The following MYO1D variants were observed in gnomAD, a reference collection of about 807,000 sequenced individuals.
MYO1D encodes myosin ID.
Under a neutral mutation model 122.0 loss-of-function variants are expected in MYO1D, and 83 were observed. The ratio of observed to expected loss-of-function variants is 0.68; its 90% CI spans 0.57 to 0.82. The LOEUF is 0.82. Among genes scored for constraint, MYO1D ranks in the 40% least tolerant of loss-of-function variants. MYO1D has a pLI of 0.00. For missense variants in MYO1D, 1,157 were observed against 1,269.5 expected, an observed-to-expected ratio of 0.91 and a Z score of 1.35; for synonymous variants, 464 against 446.9, an observed-to-expected ratio of 1.04 and a Z score of -0.48.
At chr17:32,691,977 G>A (rs1458008404) in intron 16 of MYO1D, among the ~76,000 whole-genome samples, 1 of 152,078 alleles carries the variant, frequency 6.6e-6, no homozygotes, top group Non-Finnish European at 1.5e-5. Flanking sequence ...TTCTTCTGTG[G>A]TCTGAGTGTC....
chr17:32,728,889 A>C (rs1445606860), intron 14 of MYO1D, among the ~76,000 whole-genome samples: 3 of 152,244 alleles, frequency 2.0e-5, no homozygotes, highest in Non-Finnish European at 4.4e-5. Flanking sequence ...TGGATGAGAC[A>C]CTAACAACCA....
intron 17 of MYO1D, among the ~76,000 whole-genome samples, chr17:32,657,101 A>G (rs1486855101): frequency 6.6e-6 from 1 of 152,258 alleles, no homozygotes; most frequent in Non-Finnish European, 1.5e-5. Context: ...TGCAGCCATA[A>G]AAATCACCAG....
chr17:32,606,878 G>A (rs376642005), intron 20 of MYO1D, among the ~76,000 whole-genome samples: 21 of 152,322 alleles, frequency 1.4e-4, no homozygotes, highest in Admixed American at 3.9e-4. Context: ...ATTAAAAAGC[G>A]GCTGGGTGTG....
intron 21 of MYO1D, among the ~76,000 whole-genome samples, chr17:32,546,201 T>C (rs1597888588): frequency 6.6e-6 from 1 of 152,226 alleles, no homozygotes; most frequent in Non-Finnish European, 1.5e-5. Flanking sequence ...TCCCTCACTA[T>C]GGACTTAGCC....
chr17:32,763,824 A>T (rs535998391), intron 8 of MYO1D, among the ~76,000 whole-genome samples: 301 of 152,064 alleles, frequency 2.0e-3, no homozygotes, highest in African/African-American at 6.8e-3. Context: ...GGAGGCTGAG[A>T]CAGGAGAATC....
intron 10 of MYO1D, among the ~76,000 whole-genome samples, chr17:32,757,280 A>C (rs1598070876): frequency 1.3e-5 from 2 of 151,968 alleles, no homozygotes; most frequent in East Asian, 3.9e-4. Flanking sequence ...TCTAAACTAA[A>C]GTTTCTCAAA....
chr17:32,754,462 AAGG>A (rs1157830839), intron 11 of MYO1D, among the ~76,000 whole-genome samples: 1 of 152,232 alleles, frequency 6.6e-6, no homozygotes, highest in Admixed American at 6.5e-5. Flanking sequence ...GTAACAGACC[AAGG>A]AGAATATTTT....
intron 21 of MYO1D, among the ~76,000 whole-genome samples, chr17:32,582,782 A>AT (rs1331168325): frequency 2.0e-5 from 3 of 151,876 alleles, no homozygotes; most frequent in African/African-American, 7.3e-5. Flanking sequence ...AGATTTCTCC[A>AT]TTTTCCCTTG....
chr17:32,816,264 C>CA (rs555936026), intron 1 of MYO1D, among the ~76,000 whole-genome samples: 127 of 152,146 alleles, frequency 8.3e-4, no homozygotes, highest in African/African-American at 3.0e-3. Context: ...TCCAGACAAA[C>CA]AAGAGATATA....
In MYO1D at chr17:32,721,041, T is replaced by C. The variant is rs2089503875; in HGVS notation, c.1895A>G (p.Tyr632Cys). 1.2e-6 allele frequency: 2 copies of C among 1,614,028 alleles called. No homozygotes were observed. The highest frequency in any genetic ancestry group is 1.7e-6 in the Non-Finnish European group (2 of 1,179,996). Residue 632 changes from tyrosine (Y) to cysteine (C), a missense_variant, in exon 15 of 22, where the codon TAC becomes TGC. By Grantham distance (194) the Tyr-to-Cys change is radical (BLOSUM62 -2). Transcript: ENST00000318217. ...TTCTCACCTGTGAAGAAACTTCTCG[T>C]ATGTCTGGCGGAAGGCAAATCCTGC... ...RRAGFAFRQT[Y>C]EKFLHRYKMI...
chr17:32,581,050 A>C (rs1202534589), intron 21 of MYO1D, among the ~76,000 whole-genome samples: 1 of 151,954 alleles, frequency 6.6e-6, no homozygotes, highest in African/African-American at 2.4e-5. Flanking sequence ...CTATAGTAGA[A>C]CTCCCCAGTA....
chr17:32,798,013 A>C (rs1282706940), intron 1 of MYO1D, among the ~76,000 whole-genome samples: 1 of 152,232 alleles, frequency 6.6e-6, no homozygotes, highest in East Asian at 1.9e-4. Flanking sequence ...CGTTTATGCC[A>C]ATCATTTAAC....
rs946484381 is a variant in MYO1D at position 32,720,893 on chromosome 17, T to A, written c.1913+130A>T. 6 of 961,582 alleles carry A rather than the reference T, an allele frequency of 6.2e-6. No homozygotes were observed. In the African/African-American group the frequency reaches 1.0e-4, roughly 16 times the overall value. The allele number at this position is 961,582 out of a possible 1,614,324, so 59.6% of individuals were successfully genotyped here. A position where few individuals can be genotyped will look rare whatever the true frequency, so the allele number is the denominator to read the frequency against. ...AAACTGGGAAAGTCTTTCATATTTG[T>A]AATTTCCTCAGCTCTTTTGTTCACC... On this transcript the variant is annotated intron_variant, in intron 15 of 21. Transcript: ENST00000318217.
At chr17:32,807,294 C>T (rs1198620079) in intron 1 of MYO1D, among the ~76,000 whole-genome samples, 2 of 152,032 alleles carry the variant, frequency 1.3e-5, no homozygotes, top group Non-Finnish European at 2.9e-5. Flanking sequence ...TAGTTCCACT[C>T]TCTAGAGGTT....
At chr17:32,851,849 T>G (rs2151082038) in intron 1 of MYO1D, among the ~76,000 whole-genome samples, 1 of 152,356 alleles carries the variant, frequency 6.6e-6, no homozygotes, top group African/African-American at 2.4e-5. Context: ...CTGTAATGCT[T>G]GCTGGCCCGC....
At chr17:32,693,409 G>T (rs941127409) in intron 16 of MYO1D, among the ~76,000 whole-genome samples, 2 of 151,874 alleles carry the variant, frequency 1.3e-5, no homozygotes, top group Non-Finnish European at 2.9e-5. Context: ...AAGTGGTGAG[G>T]GAGAAACCAA....
chr17:32,827,476 G>A (rs2090732948), intron 1 of MYO1D, among the ~76,000 whole-genome samples: 1 of 152,180 alleles, frequency 6.6e-6, no homozygotes, highest in African/African-American at 2.4e-5. Context: ...GAAATGGGTA[G>A]TGGTGACAGC....
chr17:32,610,097 G>A (rs966921565), intron 20 of MYO1D, among the ~76,000 whole-genome samples: 3 of 152,198 alleles, frequency 2.0e-5, no homozygotes, highest in East Asian at 1.9e-4. Context: ...TATCCCAGGA[G>A]CATTAGCTGC....
intron 1 of MYO1D, among the ~76,000 whole-genome samples, chr17:32,799,907 T>C (rs141760318): frequency 6.6e-6 from 1 of 152,282 alleles, no homozygotes; most frequent in African/African-American, 2.4e-5. Context: ...TTGATATTTC[T>C]CAAGACATAC....
Sources: allele counts gnomAD v4.1 joint callset (sites outside exome capture counted in the v4.1 genomes callset), GRCh38; gene constraint gnomAD v4.1.1; transcripts MANE v1.5; gene names NCBI Gene and HGNC (gene_info 2026-07-23, HGNC 2026-07-21).